Variants in MEGF11 observed in about 807,000 individuals in gnomAD.
The protein encoded by MEGF11 is multiple epidermal growth factor-like domains protein 11.
A neutral mutation model predicts 146.6 loss-of-function variants in MEGF11; 126 were observed. The observed-to-expected ratio is 0.86, with a 90% CI of 0.74 to 1.00. MEGF11 has a LOEUF of 1.00. MEGF11 is among the 50% of genes least tolerant of loss of function. The pLI is 0.00. For missense variants in MEGF11, 1,509 were observed against 1,521.2 expected, an observed-to-expected ratio of 0.99 and a Z score of 0.13; for synonymous variants, 532 against 583.4, an observed-to-expected ratio of 0.91 and a Z score of 1.27.
At chr15:66,151,962 C>T (rs898803382) in intron 1 of MEGF11, among the ~76,000 whole-genome samples, 3 of 152,238 alleles carry the variant, frequency 2.0e-5, no homozygotes, top group Admixed American at 6.5e-5. Context: ...TGCCATGGGG[C>T]GGGGGGCAGG....
intron 1 of MEGF11, among the ~76,000 whole-genome samples, chr15:66,163,353 C>A (rs1236727846): frequency 6.6e-6 from 1 of 152,158 alleles, no homozygotes; most frequent in African/African-American, 2.4e-5. Flanking sequence ...GGAGACTAAA[C>A]AAGATGGAAA....
intron 24 of MEGF11, among the ~76,000 whole-genome samples, chr15:65,900,010 C>A (rs548375416): frequency 2.0e-5 from 3 of 152,248 alleles, no homozygotes; most frequent in African/African-American, 7.2e-5. Flanking sequence ...GTACCATTCT[C>A]TGTTTGGGGA....
chr15:65,909,652 C>T, intron 22 of MEGF11, 88 bp downstream of exon 22: 4 of 1,321,642 alleles, frequency 3.0e-6, no homozygotes, highest in Non-Finnish European at 4.2e-6. Flanking sequence ...AACTCATAAC[C>T]CTGTCCCTTC....
At chr15:65,910,081 C>T in intron 21 of MEGF11, 1 of 599,158 alleles carries the variant, frequency 1.7e-6, no homozygotes, top group East Asian at 3.5e-5. Context: ...CTGGCCCTGA[C>T]AGAGGAAGCA....
chr15:65,966,550 G>A lies in MEGF11; in HGVS notation c.900-1430C>T, dbSNP rs757361201. ...CCTCCCTGACTGCGGATTTTCCCTC[G>A]AGTAGAGGAAGCGTCTTCCTGCATT... On this transcript the variant is annotated intron_variant, in intron 8 of 25. Transcript: ENST00000395614. 2.2e-4 allele frequency among the ~76,000 whole-genome samples: 34 copies of A among 152,194 alleles called. 1 individual carries two copies. In the South Asian group the frequency reaches 3.1e-3, roughly 14 times the overall value.
In MEGF11 at chr15:65,916,911, C is replaced by T. The variant is rs1326773403; in HGVS notation, c.2132G>A (p.Ser711Asn). The T allele has an allele frequency of 1.3e-6, 2 of 1,574,774 alleles. No individual in the cohort carries two copies. Among genetic ancestry groups the T allele is most frequent in the Non-Finnish European group, 1.7e-6 (2 of 1,160,308 alleles). The change falls in exon 17 of 26, where the codon AGC (serine) becomes AAC (asparagine). Residue 711 changes from serine (S) to asparagine (N), a missense_variant. Coordinates refer to ENST00000395614, the MANE Select transcript of MEGF11 (RefSeq NM_001385028.1). Reference protein sequence around the residue: ...FWGPACFHACSCHNGASCSAE... With the variant: ...FWGPACFHACNCHNGASCSAE... ...GCTGCAGCTCGCCCCGTTGTGGCAG[C>T]TGCATGCGTGGAAGCAGGCGGGGCC... is the stretch of plus-strand genomic sequence containing the variant.
At chr15:65,931,096 T>C (rs1176346311) in intron 10 of MEGF11, among the ~76,000 whole-genome samples, 153 bp from the exon 11 acceptor site, 1 of 152,204 alleles carries the variant, frequency 6.6e-6, no homozygotes, top group Non-Finnish European at 1.5e-5. Flanking sequence ...AAAGGGACTT[T>C]GCAGGTGCGA....
intron 1 of MEGF11, among the ~76,000 whole-genome samples, chr15:66,143,947 G>C (rs564201088): frequency 6.6e-6 from 1 of 152,184 alleles, no homozygotes; most frequent in Non-Finnish European, 1.5e-5. Context: ...GGGGGCAAGA[G>C]GCACCTCAGC....
At chr15:66,097,795 C>CTT (rs2086618281) in intron 4 of MEGF11, among the ~76,000 whole-genome samples, 1 of 151,030 alleles carries the variant, frequency 6.6e-6, no homozygotes, top group African/African-American at 2.4e-5. Flanking sequence ...GGTTGGGACT[C>CTT]TAACTGGTCC....
chr15:65,930,078 C>T (rs567756298), intron 11 of MEGF11, among the ~76,000 whole-genome samples, 195 bp from the exon 12 acceptor site: 1 of 152,346 alleles, frequency 6.6e-6, no homozygotes, highest in South Asian at 2.1e-4. Flanking sequence ...ACCCAGGTCT[C>T]CTGCCTCCGG....
chr15:66,238,162 G>A (rs2092135445), intron 1 of MEGF11, among the ~76,000 whole-genome samples: 1 of 152,176 alleles, frequency 6.6e-6, no homozygotes, highest in Non-Finnish European at 1.5e-5. Flanking sequence ...GTGTGAATAG[G>A]GCCAGCCCTG....
intron 25 of MEGF11, 69 bp from the exon 26 acceptor site, chr15:65,898,163 G>C: frequency 6.6e-7 from 1 of 1,523,464 alleles, no homozygotes; most frequent in South Asian, 1.3e-5. Context: ...GAGAGGAAGA[G>C]AGTTCTACTT....
intron 5 of MEGF11, among the ~76,000 whole-genome samples, chr15:66,005,909 G>A (rs1809554122): frequency 6.6e-6 from 1 of 152,244 alleles, no homozygotes; most frequent in South Asian, 2.1e-4. Flanking sequence ...GCTGTGGAAA[G>A]TCATTTCACT....
chr15:66,121,507 A>G lies in MEGF11; in HGVS notation c.201-2321T>C, dbSNP rs559693270. On this transcript the variant is annotated intron_variant, in intron 3 of 25. Transcript: ENST00000395614. ...AAGGCACTTGAGGGAGGACAAAAGC[A>G]GGCTGATACTGGAGGCAAGTGGACA... Among the ~76,000 whole-genome samples, 5 of 152,366 alleles carry G rather than the reference A, an allele frequency of 3.3e-5. No homozygotes were observed. In the South Asian group the frequency reaches 1.0e-3, roughly 32 times the overall value.
intron 3 of MEGF11, among the ~76,000 whole-genome samples, chr15:66,121,673 A>T (rs1467984350): frequency 6.6e-6 from 1 of 152,200 alleles, no homozygotes; most frequent in Non-Finnish European, 1.5e-5. Context: ...AGCAGGTGAA[A>T]GGGGAAACCT....
intron 1 of MEGF11, among the ~76,000 whole-genome samples, chr15:66,245,150 A>C (rs1050400524): frequency 3.9e-5 from 6 of 152,182 alleles, no homozygotes; most frequent in African/African-American, 1.4e-4. Flanking sequence ...TTTGGATTAA[A>C]CACAGGGAAA....
At chr15:66,122,592 C>T (rs2088087519) in intron 3 of MEGF11, among the ~76,000 whole-genome samples, 1 of 152,158 alleles carries the variant, frequency 6.6e-6, no homozygotes, top group Admixed American at 6.5e-5. Flanking sequence ...GGGGTCTCTC[C>T]CTTACTACCT....
At position 66,113,067 on chromosome 15, in the gene MEGF11, G is replaced by A. The variant is rs141580894; in HGVS notation, c.301+6019C>T. Among the ~76,000 whole-genome samples, 18 of 152,280 alleles carry A rather than the reference G, an allele frequency of 1.2e-4. No homozygotes were observed. The East Asian group carries it at 2.9e-3, about 25-fold the overall frequency. On this transcript the variant is annotated intron_variant, in intron 4 of 25. Coordinates refer to ENST00000395614, the MANE Select transcript of MEGF11 (RefSeq NM_001385028.1). ...GTACATAATTTGGCATAGAGTTGAC[G>A]TGTCGAATTTACTGAATTAAATCTT...
chr15:66,179,307 A>G (rs958268969), intron 1 of MEGF11, among the ~76,000 whole-genome samples: 4 of 151,942 alleles, frequency 2.6e-5, no homozygotes, highest in Admixed American at 1.3e-4. Context: ...TAATTTTTGT[A>G]TTTTTAGTAG....
Sources: gnomAD v4.1 joint callset for allele counts (sites outside exome capture counted in the v4.1 genomes callset) on GRCh38, gnomAD v4.1.1 for gene constraint, MANE v1.5 for transcripts, NCBI Gene and HGNC (gene_info 2026-07-23, HGNC 2026-07-21) for gene names.